The following ADAMTS20 variants were observed in gnomAD, a reference collection of about 807,000 sequenced individuals.
ADAMTS20 encodes A disintegrin and metalloproteinase with thrombospondin motifs 20.
Under a neutral mutation model 260.1 loss-of-function variants are expected in ADAMTS20, and 225 were observed. That is an observed-to-expected ratio of 0.87 (90% CI 0.78 to 0.97). ADAMTS20 has a LOEUF of 0.97. Ranked by LOEUF, ADAMTS20 falls within the 50% of genes least tolerant of loss-of-function variation. The pLI is 0.00. For missense variants in ADAMTS20, 2,400 were observed against 2,337.7 expected, an observed-to-expected ratio of 1.03 and a Z score of -0.55; for synonymous variants, 802 against 769.5, an observed-to-expected ratio of 1.04 and a Z score of -0.70.
intron 3 of ADAMTS20, among the ~76,000 whole-genome samples, chr12:43,527,240 C>T (rs1943155429): frequency 6.6e-6 from 1 of 152,140 alleles, no homozygotes; most frequent in African/African-American, 2.4e-5. Flanking sequence ...GATAGATTCA[C>T]AGTTGAATTC....
intron 4 of ADAMTS20, among the ~76,000 whole-genome samples, chr12:43,498,179 G>A (rs1942703605): frequency 6.6e-6 from 1 of 152,004 alleles, no homozygotes; most frequent in African/African-American, 2.4e-5. Context: ...GTTAATTCCA[G>A]AAACCTTTAA....
Position 43,376,080 on chromosome 12 carries a change from GT to G in ADAMTS20, c.5288del (p.Asn1763ThrfsTer10). ...EYLTLVQGEE[N>X]FSEVYGFRLK... ...ACCTAAAGCCATACACTTCAGAAAA[GT>G]TTTCTTCACCTTGGACCAGTGTTAA... On this transcript the variant is annotated frameshift_variant, in exon 35 of 39. Transcript: ENST00000389420. LOFTEE classifies it high-confidence loss of function. The G allele has an allele frequency of 6.2e-7, 1 of 1,610,204 alleles. No homozygotes were observed. Among genetic ancestry groups the G allele is most frequent in the Non-Finnish European group, 8.5e-7 (1 of 1,178,394 alleles).
At chr12:43,428,574 A>G (rs780500232) in intron 25 of ADAMTS20, 43 bp from the exon 26 acceptor site, 3 of 1,494,756 alleles carry the variant, frequency 2.0e-6, no homozygotes, top group East Asian at 2.5e-5. Flanking sequence ...ACATTAATTT[A>G]TATTTAATAT....
chr12:43,463,008 T>C lies in ADAMTS20; in HGVS notation c.1510-9A>G. ...AGATGCATGCATATATTCTCCTGAGTAACAAAAGGCAGGCAAGCCAGTGTA... is the reference window on the plus strand; with the variant it reads ...AGATGCATGCATATATTCTCCTGAGCAACAAAAGGCAGGCAAGCCAGTGTA... On this transcript the variant is annotated splice_polypyrimidine_tract_variant and intron_variant, in intron 10 of 38. Coordinates refer to ENST00000389420, the MANE Select transcript of ADAMTS20 (RefSeq NM_025003.5). The C allele has an allele frequency of 6.3e-7, 1 of 1,586,884 alleles. No individual in the cohort carries two copies. The highest frequency in any genetic ancestry group is 1.8e-5 in the Admixed American group (1 of 55,878).
intron 4 of ADAMTS20, among the ~76,000 whole-genome samples, chr12:43,498,305 C>A (rs1478703737): frequency 6.6e-6 from 1 of 152,050 alleles, no homozygotes; most frequent in African/African-American, 2.4e-5. Context: ...TTGTTGAAAG[C>A]AAAGAAAAAG....
chr12:43,535,309 C>T (rs865838894), intron 2 of ADAMTS20, among the ~76,000 whole-genome samples: 2 of 152,044 alleles, frequency 1.3e-5, no homozygotes, highest in South Asian at 4.1e-4. Context: ...TTATTTCCTA[C>T]CTTTGCAAGC....
chr12:43,517,700 A>C (rs1943018072), intron 3 of ADAMTS20, among the ~76,000 whole-genome samples: 1 of 151,982 alleles, frequency 6.6e-6, no homozygotes, highest in Admixed American at 6.6e-5. Context: ...CTGTATGTAA[A>C]ATTTAAAGGG....
At chr12:43,362,040 T>C (rs1394842371) in intron 37 of ADAMTS20, among the ~76,000 whole-genome samples, 2 of 152,176 alleles carry the variant, frequency 1.3e-5, no homozygotes, top group African/African-American at 2.4e-5. Context: ...GGTTGCATTG[T>C]CAATTTACTT....
chr12:43,375,275 C>T (rs1194853040), intron 36 of ADAMTS20, 104 bp downstream of exon 36: 2 of 1,209,744 alleles, frequency 1.7e-6, no homozygotes, highest in East Asian at 5.4e-5. Context: ...TGCACAATGT[C>T]AGGTCCTTCT....
intron 2 of ADAMTS20, among the ~76,000 whole-genome samples, chr12:43,549,816 A>C (rs1313540192): frequency 6.6e-6 from 1 of 152,216 alleles, no homozygotes; most frequent in African/African-American, 2.4e-5. Context: ...AAGAGCTCAC[A>C]TCCAGGAAGA....
At chr12:43,384,394 T>C (rs1258336321) in intron 29 of ADAMTS20, among the ~76,000 whole-genome samples, 1 of 152,256 alleles carries the variant, frequency 6.6e-6, no homozygotes, top group Non-Finnish European at 1.5e-5. Flanking sequence ...GATTGTGTTA[T>C]ATTCATCTTT....
chr12:43,505,592 C>T (rs1436724591), intron 3 of ADAMTS20, among the ~76,000 whole-genome samples: 1 of 152,072 alleles, frequency 6.6e-6, no homozygotes, highest in Admixed American at 6.6e-5. Flanking sequence ...TCACTTCACA[C>T]CCATAAGAAT....
At chr12:43,404,632 T>C (rs941771910) in intron 28 of ADAMTS20, among the ~76,000 whole-genome samples, 1 of 152,214 alleles carries the variant, frequency 6.6e-6, no homozygotes, top group African/African-American at 2.4e-5. Flanking sequence ...ATTTCATCTA[T>C]GGATGAAGAT....
At chr12:43,438,720 G>A (rs1739878240) in intron 18 of ADAMTS20, among the ~76,000 whole-genome samples, 1 of 151,990 alleles carries the variant, frequency 6.6e-6, no homozygotes, top group African/African-American at 2.4e-5. Context: ...CACATGGTTC[G>A]GAGCTTCCTT....
rs1213732576 is a variant in ADAMTS20, at chr12:43,452,315, C to T, written c.2038G>A (p.Gly680Arg). Residue 680 changes from glycine to arginine, a missense_variant, in exon 14 of 39, where the codon GGA (glycine) becomes AGA (arginine). Coordinates refer to ENST00000389420, the MANE Select transcript of ADAMTS20 (RefSeq NM_025003.5). ...ACACAGATGTCATGAGTTTCAGTTCCACAAGGAGTACCATCTTCAACCATA... is the reference window on the plus strand; with the variant it reads ...ACACAGATGTCATGAGTTTCAGTTCTACAAGGAGTACCATCTTCAACCATA... The part of the protein sequence containing the change: ...KDMVEDGTPC[G>R]TETHDICVQG... 6.2e-7 allele frequency: 1 copy of T among 1,613,110 alleles called. No homozygotes were observed.
intron 37 of ADAMTS20, among the ~76,000 whole-genome samples, chr12:43,360,443 T>G (rs1312051874): frequency 3.3e-5 from 5 of 151,946 alleles, no homozygotes; most frequent in South Asian, 4.1e-4. Flanking sequence ...AGCACGACTC[T>G]GTCTCAAAAA....
At chr12:43,432,873 G>GA (rs1341892037) in intron 19 of ADAMTS20, 62 bp from the exon 20 acceptor site, 7 of 1,364,658 alleles carry the variant, frequency 5.1e-6, no homozygotes, top group Non-Finnish European at 7.2e-6. Flanking sequence ...CAGATTCAGA[G>GA]ACACTCATGC....
rs183085505 is a variant in ADAMTS20, at chr12:43,384,458, T to G, written c.4453-481A>C. On this transcript the variant is annotated intron_variant, in intron 29 of 38. Transcript: ENST00000389420. ...CCTGTTATGGAATCTAAATACTTGC[T>G]AATTTTTTTTAATACTTTAAGTTCT... Among the ~76,000 whole-genome samples the G allele has an allele frequency of 3.7e-3, 563 of 152,304 alleles. 2 individuals carry two copies. The highest frequency in any genetic ancestry group is 5.6e-3 in the Admixed American group (86 of 15,294).
Position 43,436,970 on chromosome 12 carries a change from T to C in ADAMTS20, c.2594-2599A>G, listed in dbSNP as rs564779772. Among the ~76,000 whole-genome samples the C allele has an allele frequency of 4.6e-5, 7 of 152,324 alleles. No individual in the cohort carries two copies. In the South Asian group the frequency reaches 1.4e-3, roughly 32 times the overall value. On this transcript the variant is annotated intron_variant, in intron 18 of 38. Transcript: ENST00000389420. ...CCAAATTACTCTATAATGAAACTTCTAGTTAACTTGTCTGACCCACAGAGG... is the reference window on the plus strand; with the variant it reads ...CCAAATTACTCTATAATGAAACTTCCAGTTAACTTGTCTGACCCACAGAGG...
Sources: allele counts gnomAD v4.1 joint callset (sites outside exome capture counted in the v4.1 genomes callset), GRCh38; gene constraint gnomAD v4.1.1; transcripts MANE v1.5; gene names NCBI Gene and HGNC (gene_info 2026-07-23, HGNC 2026-07-21).